HDC: variants seen among roughly 807,000 people sequenced by gnomAD.
HDC encodes the protein histidine decarboxylase.
Under a neutral mutation model 64.4 loss-of-function variants are expected in HDC, and 27 were observed. That is an observed-to-expected ratio of 0.42 (90% CI 0.31 to 0.58). HDC has a LOEUF of 0.58. Among genes scored for constraint, HDC ranks in the 20% least tolerant of loss-of-function variants. The pLI, the probability that HDC is intolerant of heterozygous loss-of-function variation, is 0.16. For missense variants in HDC, 711 were observed against 833.9 expected, an observed-to-expected ratio of 0.85 and a Z score of 1.81; for synonymous variants, 305 against 314.2, an observed-to-expected ratio of 0.97 and a Z score of 0.31.
intron 9 of HDC, among the ~76,000 whole-genome samples, chr15:50,250,847 G>A (rs1046740359): frequency 1.3e-5 from 2 of 152,162 alleles, no homozygotes; most frequent in Admixed American, 6.5e-5. Flanking sequence ...GTCACCACCA[G>A]TAAGCCGTGA....
At chr15:50,258,593 G>A (rs1595710155) in intron 2 of HDC, 76 bp from the exon 3 acceptor site, 2 of 840,432 alleles carry the variant, frequency 2.4e-6, no homozygotes, top group East Asian at 5.1e-5. Flanking sequence ...GACCATCTCT[G>A]GCAAGGTGAA....
rs991148658 is a variant in HDC, at chr15:50,257,472, G to A, written c.394C>T (p.His132Tyr). ...WLAKMLGLPEHFLHHHPSSQG... is the reference protein window; with the variant it reads ...WLAKMLGLPEYFLHHHPSSQG... ...CTGCTGGGGTGGTGGTGCAAGAAGTGCTCTGGAAGTCCCAGCATTTTTGCC... is the reference window on the plus strand; with the variant it reads ...CTGCTGGGGTGGTGGTGCAAGAAGTACTCTGGAAGTCCCAGCATTTTTGCC... Residue 132 changes from histidine to tyrosine, a missense_variant, in exon 4 of 12, where the codon CAC becomes TAC. This residue lies in a region of HDC where 225 missense variants were observed against 276.2 expected (regional missense o/e 0.81). Transcript: ENST00000267845. 1 of 1,614,206 alleles carries A rather than the reference G, an allele frequency of 6.2e-7. No homozygotes were observed. The highest frequency in any genetic ancestry group is 8.5e-7 in the Non-Finnish European group (1 of 1,180,032).
In HDC at chr15:50,248,341, G is replaced by A. The variant is rs780126464; in HGVS notation, c.1044C>T (p.His348=). The A allele has an allele frequency of 1.9e-6, 3 of 1,612,442 alleles. No individual in the cohort carries two copies. Among genetic ancestry groups the A allele is most frequent in the Non-Finnish European group, 2.5e-6 (3 of 1,178,532 alleles). ...ANSGVATDFM[H]WQIPLSRRFR... is the part of the protein sequence containing the mutation. ...ACCGTCGGCTCAGGGGGATCTGCCA[G>A]TGCTAGAAACAAAGGAACACAGTGC... is the stretch of plus-strand genomic sequence containing the variant. Residue 348 remains histidine (H), a splice_region_variant and synonymous_variant, in exon 10 of 12, where the codon CAC becomes CAT. Transcript: ENST00000267845. The surrounding 1 kb of genome is among the most constrained non-coding windows in gnomAD (Gnocchi z 4.3).
chr15:50,249,496 C>T (rs2045526026), intron 9 of HDC, among the ~76,000 whole-genome samples: 1 of 152,224 alleles, frequency 6.6e-6, no homozygotes, highest in Non-Finnish European at 1.5e-5. Flanking sequence ...TGGGATGTTA[C>T]CCCTTTGTTG....
intron 7 of HDC, chr15:50,253,347 A>C: frequency 1.8e-6 from 1 of 558,704 alleles, no homozygotes; most frequent in South Asian, 2.0e-5. Context: ...AGAAAACCGA[A>C]GGCTCTCCTA....
Position 50,257,562 on chromosome 15 carries a change from G to C in HDC, c.319-15C>G. The C allele has an allele frequency of 6.2e-7, 1 of 1,613,904 alleles. No homozygotes were observed. Among genetic ancestry groups the C allele is most frequent in the Non-Finnish European group, 8.5e-7 (1 of 1,179,968 alleles). ...GGGCTGGATGCCTGAGAAAGGAAAAGGAACTTCAAACTGCACAGCCCCAGG... is the reference window on the plus strand; with the variant it reads ...GGGCTGGATGCCTGAGAAAGGAAAACGAACTTCAAACTGCACAGCCCCAGG... On this transcript the variant is annotated splice_polypyrimidine_tract_variant and intron_variant, in intron 3 of 11. Transcript: ENST00000267845.
chr15:50,253,349 G>T (rs138351519), intron 7 of HDC: 5 of 562,740 alleles, frequency 8.9e-6, no homozygotes, highest in Non-Finnish European at 1.6e-5. Flanking sequence ...AAAACCGAAG[G>T]CTCTCCTACT....
intron 9 of HDC, among the ~76,000 whole-genome samples, chr15:50,252,227 T>G (rs2045566072): frequency 6.6e-6 from 1 of 152,244 alleles, no homozygotes; most frequent in Admixed American, 6.5e-5. Flanking sequence ...TCTCATTTTC[T>G]AGGGTTTTTA....
At position 50,254,129 on chromosome 15, in the gene HDC, C is replaced by A; in HGVS notation, c.720+1G>T. Reference sequence around the variant, plus strand: ...AAGCTTAGGCATATATCCTGACTTACAAAGACGGGCACCAAGCCCCGCTGC... The same window carrying A: ...AAGCTTAGGCATATATCCTGACTTAAAAAGACGGGCACCAAGCCCCGCTGC... On this transcript the variant is annotated splice_donor_variant, in intron 6 of 11. Coordinates refer to ENST00000267845, the MANE Select transcript of HDC (RefSeq NM_002112.4). LOFTEE classifies it high-confidence loss of function. 1 of 1,614,178 alleles carries A rather than the reference C, an allele frequency of 6.2e-7. No homozygotes were observed. Among genetic ancestry groups the A allele is most frequent in the Non-Finnish European group, 8.5e-7 (1 of 1,180,036 alleles).
chr15:50,250,801 A>ATTTT (rs770915199), intron 9 of HDC, among the ~76,000 whole-genome samples: 1 of 152,016 alleles, frequency 6.6e-6, no homozygotes, highest in Admixed American at 6.6e-5. Context: ...AAGAACCATT[A>ATTTT]TTTTTCTTTC....
intron 10 of HDC, among the ~76,000 whole-genome samples, chr15:50,246,936 A>G (rs2045490177): frequency 6.6e-6 from 1 of 152,242 alleles, no homozygotes; most frequent in South Asian, 2.1e-4. Flanking sequence ...TACCAACATT[A>G]AAACCAGTCA....
intron 11 of HDC, 47 bp downstream of exon 11, chr15:50,243,096 A>G: frequency 1.2e-6 from 2 of 1,611,650 alleles, no homozygotes; most frequent in Non-Finnish European, 1.7e-6. Context: ...GAGGCTCTGG[A>G]GCACCACAAG....
At chr15:50,253,390 C>A (rs1356831407) in intron 7 of HDC, 17 of 627,218 alleles carry the variant, frequency 2.7e-5, no homozygotes, top group Non-Finnish European at 4.1e-5. Flanking sequence ...GCAAGGTAGG[C>A]CACCTCTAAC....
chr15:50,265,507 C>T (rs762128387), intron 1 of HDC, 86 bp downstream of exon 1: 32 of 1,202,868 alleles, frequency 2.7e-5, no homozygotes, highest in Non-Finnish European at 3.8e-5. Context: ...CATCAAATGT[C>T]ACCCCAGAAT....
intron 6 of HDC, 125 bp downstream of exon 6, chr15:50,254,005 A>C: frequency 9.8e-7 from 1 of 1,019,142 alleles, no homozygotes; most frequent in South Asian, 1.3e-5. Flanking sequence ...CATGATGTGT[A>C]AAATACTGTA....
intron 1 of HDC, among the ~76,000 whole-genome samples, chr15:50,263,811 G>A (rs766068194): frequency 6.6e-6 from 1 of 152,054 alleles, no homozygotes; most frequent in Admixed American, 6.6e-5. Flanking sequence ...TTCATGGGCC[G>A]AGGGTAGGAT....
At chr15:50,250,929 T>C (rs1024212787) in intron 9 of HDC, among the ~76,000 whole-genome samples, 2 of 152,144 alleles carry the variant, frequency 1.3e-5, no homozygotes, top group African/African-American at 2.4e-5. Context: ...CAAGGGAGAA[T>C]AGCCAGTATA....
intron 4 of HDC, among the ~76,000 whole-genome samples, chr15:50,256,493 A>G (rs991543163): frequency 6.6e-6 from 1 of 152,170 alleles, no homozygotes; most frequent in Non-Finnish European, 1.5e-5. Context: ...GGCTCAAGCA[A>G]TCCTCCTACC....
At chr15:50,251,810 T>A (rs2045558477) in intron 9 of HDC, among the ~76,000 whole-genome samples, 1 of 150,074 alleles carries the variant, frequency 6.7e-6, no homozygotes, top group Non-Finnish European at 1.5e-5. Flanking sequence ...CCAGCCTGGT[T>A]GACAGAGCGA....
Sources: gnomAD v4.1 joint callset for allele counts (sites outside exome capture counted in the v4.1 genomes callset) on GRCh38, gnomAD v4.1.1 for gene constraint, gnomAD v4.1.1 regional missense constraint, Gnocchi (gnomAD v3.1) non-coding constraint, MANE v1.5 for transcripts, NCBI Gene and HGNC (gene_info 2026-07-23, HGNC 2026-07-21) for gene names.